L1TD1: variants seen among roughly 807,000 people sequenced by gnomAD.
L1TD1 encodes the protein LINE1 type transposase domain containing 1.
A neutral mutation model predicts 25.7 loss-of-function variants in L1TD1; 26 were observed. The observed-to-expected ratio is 1.01, with a 90% CI of 0.74 to 1.40. L1TD1 has a LOEUF of 1.40. Among genes scored for constraint, L1TD1 ranks in the 40% most tolerant of loss-of-function variants. The pLI is 0.00. For synonymous variants in L1TD1, 421 were observed against 335.6 expected (o/e 1.25, Z -2.78); for missense variants, 1,130 against 975.0 (o/e 1.16, Z -2.12).
rs367916297 is a variant in L1TD1 at position 62,211,367 on chromosome 1, C to T, written c.2593C>T (p.Pro865Ser). 1.8e-5 allele frequency: 29 copies of T among 1,591,558 alleles called. No homozygotes were observed. In the African/African-American group the frequency reaches 3.1e-4, roughly 17 times the overall value. Residue 865 changes from proline (P) to serine (S), a missense_variant, in exon 4 of 4, where the codon CCT becomes TCT. By Grantham distance (74) the Pro-to-Ser change is moderately conservative (BLOSUM62 -1). Transcript: ENST00000498273. ...TLRELLGNNIP is the reference protein window; with the variant it reads ...TLRELLGNNIS ...GAGAGAATTACTGGGGAATAATATA[C>T]CTTAGCACGCCAGGGTGACTACAAA... is the stretch of plus-strand genomic sequence containing the variant.
intron 2 of L1TD1, among the ~76,000 whole-genome samples, chr1:62,204,085 T>G (rs1425016197): frequency 2.0e-5 from 3 of 152,180 alleles, no homozygotes; most frequent in African/African-American, 4.8e-5. Flanking sequence ...GCTTCTAAAT[T>G]TTCTGATTTA....
chr1:62,205,429 A>ATTTTT (rs1557443570), intron 2 of L1TD1, among the ~76,000 whole-genome samples: 1 of 36,858 alleles, frequency 2.7e-5, no homozygotes, highest in Non-Finnish European at 6.7e-5. Context: ...ATATATATAT[A>ATTTTT]TATATATATA....
At position 62,207,550 on chromosome 1, in the gene L1TD1, T is replaced by A; in HGVS notation, c.922T>A (p.Ser308Thr). ...TAGAAAATTTGCCAGCCAAAAATCTTCTGTGAAAGAATTACTGAAAGATGT... is the reference window on the plus strand; with the variant it reads ...TAGAAAATTTGCCAGCCAAAAATCTACTGTGAAAGAATTACTGAAAGATGT... ...SLRKFASQKS[S>T]VKELLKDVLP... is the part of the protein sequence containing the mutation. Residue 308 changes from serine (S) to threonine (T), a missense_variant, in exon 3 of 4, where the codon TCT (serine) becomes ACT (threonine). Ser to Thr is a moderately conservative substitution (Grantham distance 58, BLOSUM62 1). Transcript: ENST00000498273. 2 of 1,551,120 alleles carry A rather than the reference T, an allele frequency of 1.3e-6. No homozygotes were observed. The highest frequency in any genetic ancestry group is 1.2e-5 in the South Asian group (1 of 83,986).
At chr1:62,197,400 TA>T (rs1670563780) in intron 2 of L1TD1, among the ~76,000 whole-genome samples, 3 of 111,896 alleles carry the variant, frequency 2.7e-5, no homozygotes, top group East Asian at 2.2e-4. Context: ...AAATAAATTA[TA>T]TATATATATA....
intron 2 of L1TD1, among the ~76,000 whole-genome samples, chr1:62,201,759 TAATC>T (rs1290331177): frequency 2.0e-5 from 3 of 152,204 alleles, no homozygotes; most frequent in Admixed American, 6.5e-5. Flanking sequence ...CAATATTTAA[TAATC>T]AGTCCATATT....
rs540201377 is a variant in L1TD1, at chr1:62,206,535, A to AT, written c.-87dup. On this transcript the variant is annotated 5_prime_UTR_variant, in exon 3 of 4. Transcript: ENST00000498273. ...GTATTTCAGATTGACGTATTTTAAG[A>AT]TTTTTTTAACTTCTGAAGTCTAGCA... 3.6e-5 allele frequency: 45 copies of AT among 1,241,134 alleles called. 1 individual carries two copies. The South Asian group carries it at 9.2e-4, about 25-fold the overall frequency. 76.9% of individuals were successfully genotyped at this position (1,241,134 alleles called of 1,614,324 possible).
At chr1:62,201,490 T>TGTAA in intron 2 of L1TD1, among the ~76,000 whole-genome samples, 1 of 132,878 alleles carries the variant, frequency 7.5e-6, no homozygotes, top group African/African-American at 2.9e-5. Flanking sequence ...AGACCCTGCT[T>TGTAA]AAAAAAAAAA....
Position 62,210,736 on chromosome 1 carries a change from C to G in L1TD1, c.1962C>G (p.Ser654Arg), listed in dbSNP as rs996298120. ...AAAATTCAGTAGATGATCTGAGTAG[C>G]AGAATGGACATACTTGAAGAAAGAA... Reference protein sequence around the residue: ...EIENSVDDLSSRMDILEERID... With the variant: ...EIENSVDDLSRRMDILEERID... Residue 654 changes from serine to arginine, a missense_variant, in exon 4 of 4, where the codon AGC becomes AGG. Physicochemically the swap from Ser to Arg is moderately radical, Grantham distance 110. Coordinates refer to ENST00000498273, the MANE Select transcript of L1TD1 (RefSeq NM_019079.5). 6.4e-7 allele frequency: 1 copy of G among 1,551,440 alleles called. No individual in the cohort carries two copies. Among genetic ancestry groups the G allele is most frequent in the African/African-American group, 1.4e-5 (1 of 73,002 alleles).
chr1:62,201,321 T>C (rs1670634659), intron 2 of L1TD1, among the ~76,000 whole-genome samples: 2 of 152,088 alleles, frequency 1.3e-5, no homozygotes, highest in Admixed American at 6.6e-5. Context: ...AAGTTTACCC[T>C]TGTTTTCAGC....
Position 62,206,538 on chromosome 1 carries a change from T to C in L1TD1, c.-91T>C. 4.8e-6 allele frequency: 6 copies of C among 1,258,040 alleles called. No homozygotes were observed. The highest frequency in any genetic ancestry group is 6.2e-6 in the Non-Finnish European group (6 of 965,460). 77.9% of individuals were successfully genotyped at this position (1,258,040 alleles called of 1,614,324 possible). ...TTTCAGATTGACGTATTTTAAGATT[T>C]TTTTAACTTCTGAAGTCTAGCAGGC... is the stretch of plus-strand genomic sequence containing the variant. On this transcript the variant is annotated 5_prime_UTR_variant, in exon 3 of 4. Coordinates refer to ENST00000498273, the MANE Select transcript of L1TD1 (RefSeq NM_019079.5).
Position 62,206,754 on chromosome 1 carries a change from T to A in L1TD1, c.126T>A (p.Asp42Glu). ...ETDKDIAPVL[D>E]LKCKDVSAIM... ...ATAAGGACATAGCTCCGGTATTAGA[T>A]TTAAAATGCAAGGACGTATCAGCAA... The change falls in exon 3 of 4, where the codon GAT (aspartate) becomes GAA (glutamate). Residue 42 changes from aspartate to glutamate, a missense_variant. Asp to Glu is a conservative substitution (Grantham distance 45). Coordinates refer to ENST00000498273, the MANE Select transcript of L1TD1 (RefSeq NM_019079.5). 6.4e-7 allele frequency: 1 copy of A among 1,553,830 alleles called. No individual in the cohort carries two copies. The highest frequency in any genetic ancestry group is 8.7e-7 in the Non-Finnish European group (1 of 1,147,814).
At chr1:62,202,841 G>C (rs561523197) in intron 2 of L1TD1, among the ~76,000 whole-genome samples, 4 of 151,598 alleles carry the variant, frequency 2.6e-5, no homozygotes, top group Non-Finnish European at 5.9e-5. Context: ...CCACCACCAC[G>C]CCCAGCTAAA....
intron 1 of L1TD1, among the ~76,000 whole-genome samples, chr1:62,195,725 C>A (rs1190846932): frequency 6.6e-6 from 1 of 151,612 alleles, no homozygotes; most frequent in African/African-American, 2.4e-5. Context: ...GCGCTCCAGA[C>A]TGGGCAACAG....
intron 2 of L1TD1, among the ~76,000 whole-genome samples, chr1:62,202,838 C>T (rs138627337): frequency 6.6e-6 from 1 of 151,950 alleles, no homozygotes; most frequent in South Asian, 2.1e-4. Context: ...AACCCACCAC[C>T]ACGCCCAGCT....
rs750302751 is a variant in L1TD1 at position 62,209,897 on chromosome 1, G to C, written c.1123G>C (p.Glu375Gln). ...VAKPEEMKNLETQEEEFSELE... is the reference protein window; with the variant it reads ...VAKPEEMKNLQTQEEEFSELE... ...TAAGCCAGAGGAGATGAAAAACTTA[G>C]AGACTCAAGAGGAAGAGTTTTCCGA... is the stretch of plus-strand genomic sequence containing the variant. Residue 375 changes from glutamate to glutamine, a missense_variant, in exon 4 of 4, where the codon GAG (glutamate) becomes CAG (glutamine). Coordinates refer to ENST00000498273, the MANE Select transcript of L1TD1 (RefSeq NM_019079.5). The C allele has an allele frequency of 6.1e-5, 99 of 1,613,966 alleles. No homozygotes were observed. Among genetic ancestry groups the C allele is most frequent in the Non-Finnish European group, 7.6e-5 (90 of 1,180,014 alleles).
Position 62,206,744 on chromosome 1 carries a change from C to G in L1TD1, c.116C>G (p.Pro39Arg). ...QLTETDKDIAPVLDLKCKDVS... is the reference protein window; with the variant it reads ...QLTETDKDIARVLDLKCKDVS... The stretch of plus-strand genomic sequence containing the variant: ...ACAGAAACTGATAAGGACATAGCTC[C>G]GGTATTAGATTTAAAATGCAAGGAC... Residue 39 changes from proline (P) to arginine (R), a missense_variant, in exon 3 of 4, where the codon CCG (proline) becomes CGG (arginine). Transcript: ENST00000498273. The G allele has an allele frequency of 6.4e-7, 1 of 1,552,112 alleles. No homozygotes were observed. Among genetic ancestry groups the G allele is most frequent in the South Asian group, 1.2e-5 (1 of 84,268 alleles).
chr1:62,207,667 C>G (rs1159407979), intron 3 of L1TD1, 31 bp downstream of exon 3: 1 of 1,476,748 alleles, frequency 6.8e-7, no homozygotes, highest in South Asian at 1.4e-5. Flanking sequence ...ATGTATAAAG[C>G]TTATGTATAA....
intron 1 of L1TD1, among the ~76,000 whole-genome samples, chr1:62,196,218 C>T (rs1018852281): frequency 2.1e-4 from 32 of 152,124 alleles, no homozygotes; most frequent in African/African-American, 7.5e-4. Flanking sequence ...ACCATTCTCT[C>T]CGGCCCCTCC....
Position 62,207,444 on chromosome 1 carries a change from T to G in L1TD1, c.816T>G (p.Phe272Leu), listed in dbSNP as rs763271518. 1 of 1,550,842 alleles carries G rather than the reference T, an allele frequency of 6.4e-7. No homozygotes were observed. The highest frequency in any genetic ancestry group is 1.2e-5 in the South Asian group (1 of 83,928). The change falls in exon 3 of 4, where the codon TTT becomes TTG. Residue 272 changes from phenylalanine to leucine, a missense_variant. Coordinates refer to ENST00000498273, the MANE Select transcript of L1TD1 (RefSeq NM_019079.5). ...NVFNILREND[F>L]EPKFLCEVKL... The stretch of plus-strand genomic sequence containing the variant: ...TCAACATTCTGAGAGAAAATGATTT[T>G]GAACCTAAATTTCTGTGTGAAGTTA...
Sources: gnomAD v4.1 joint callset for allele counts (sites outside exome capture counted in the v4.1 genomes callset) on GRCh38, gnomAD v4.1.1 for gene constraint, MANE v1.5 for transcripts, NCBI Gene and HGNC (gene_info 2026-07-23, HGNC 2026-07-21) for gene names.